The following XRCC4 variants were observed in gnomAD, a reference collection of about 807,000 sequenced individuals.
XRCC4 encodes the protein DNA repair protein XRCC4.
XRCC4 carries 28 observed loss-of-function variants against 39.1 expected under a neutral mutation model. The ratio of observed to expected loss-of-function variants is 0.72; its 90% CI spans 0.53 to 0.98. The LOEUF is 0.98. Among genes scored for constraint, XRCC4 ranks in the 50% least tolerant of loss-of-function variants. XRCC4 has a pLI of 0.00. For synonymous variants in XRCC4, 123 were observed against 126.4 expected, an observed-to-expected ratio of 0.97 and a Z score of 0.18; for missense variants, 350 against 376.4, an observed-to-expected ratio of 0.93 and a Z score of 0.58.
chr5:83,116,784 G>C (rs1314941263), intron 3 of XRCC4, among the ~76,000 whole-genome samples: 2 of 151,918 alleles, frequency 1.3e-5, no homozygotes, highest in Non-Finnish European at 2.9e-5. Context: ...ACCATGCCCA[G>C]CTGATTTTTG....
intron 3 of XRCC4, among the ~76,000 whole-genome samples, chr5:83,164,049 T>C (rs1464881881): frequency 6.6e-6 from 1 of 152,150 alleles, no homozygotes; most frequent in Non-Finnish European, 1.5e-5. Context: ...GGCATTAAGA[T>C]TTTTAAGTAA....
At chr5:83,081,514 AAGT>A in intron 1 of XRCC4, among the ~76,000 whole-genome samples, 1 of 152,326 alleles carries the variant, frequency 6.6e-6, no homozygotes, top group East Asian at 1.9e-4. Context: ...TTTGTTAAAT[AAGT>A]AGAGTTTCAG....
chr5:83,154,865 A>T (rs951984503), intron 3 of XRCC4, among the ~76,000 whole-genome samples: 1 of 152,152 alleles, frequency 6.6e-6, no homozygotes, highest in Admixed American at 6.5e-5. Flanking sequence ...AGTCTCCATT[A>T]TCTGGCCTGC....
intron 3 of XRCC4, among the ~76,000 whole-genome samples, chr5:83,131,387 A>G (rs920500466): frequency 6.6e-6 from 1 of 152,190 alleles, no homozygotes; most frequent in East Asian, 1.9e-4. Flanking sequence ...TAGATTGTCT[A>G]TTAGGTCTGC....
chr5:83,293,800 G>T (rs920186370), intron 7 of XRCC4, among the ~76,000 whole-genome samples: 16 of 151,942 alleles, frequency 1.1e-4, no homozygotes, highest in African/African-American at 3.9e-4. Context: ...ATGAATGTGT[G>T]TTTATGTCAG....
intron 7 of XRCC4, among the ~76,000 whole-genome samples, chr5:83,294,338 T>G (rs1755023594): frequency 6.6e-6 from 1 of 152,016 alleles, no homozygotes; most frequent in African/African-American, 2.4e-5. Context: ...TTCTAGAAAT[T>G]TAAAATGTTG....
intron 6 of XRCC4, among the ~76,000 whole-genome samples, chr5:83,217,354 G>A (rs1470846258): frequency 1.2e-4 from 9 of 77,448 alleles, no homozygotes; most frequent in Admixed American, 9.2e-4. Context: ...GCAAGACTCC[G>A]TCTCAAAAAA....
At chr5:83,205,319 T>C (rs1751375615) in intron 6 of XRCC4, among the ~76,000 whole-genome samples, 1 of 152,090 alleles carries the variant, frequency 6.6e-6, no homozygotes, top group African/African-American at 2.4e-5. Flanking sequence ...TCAAGAATGC[T>C]CTAAATTATA....
At chr5:83,332,351 T>C (rs926860827) in intron 7 of XRCC4, among the ~76,000 whole-genome samples, 4 of 151,960 alleles carry the variant, frequency 2.6e-5, no homozygotes, top group Non-Finnish European at 5.9e-5. Context: ...CTTTCAATCA[T>C]TGGACATATG....
chr5:83,208,268 T>C (rs1391363434), intron 6 of XRCC4, among the ~76,000 whole-genome samples: 3 of 152,042 alleles, frequency 2.0e-5, no homozygotes, highest in African/African-American at 4.8e-5. Context: ...ATCATACTTT[T>C]GTAAATGGGA....
At chr5:83,172,617 C>T (rs1357092352) in intron 3 of XRCC4, among the ~76,000 whole-genome samples, 1 of 152,070 alleles carries the variant, frequency 6.6e-6, no homozygotes, top group Non-Finnish European at 1.5e-5. Context: ...AGACATGTCA[C>T]ATTAAAGTAT....
intron 7 of XRCC4, among the ~76,000 whole-genome samples, chr5:83,316,399 C>A (rs1309336346): frequency 6.6e-6 from 1 of 151,684 alleles, no homozygotes; most frequent in Non-Finnish European, 1.5e-5. Context: ...TTAAAAGACA[C>A]AGACTGGCAA....
intron 7 of XRCC4, among the ~76,000 whole-genome samples, chr5:83,344,808 A>G (rs1286925311): frequency 1.3e-5 from 2 of 152,290 alleles, no homozygotes; most frequent in Admixed American, 6.5e-5. Context: ...ATATACCTTC[A>G]TATACCTTGA....
the XRCC4 span, among the ~76,000 whole-genome samples, chr5:83,373,671 T>C: frequency 6.6e-6 from 1 of 152,212 alleles, no homozygotes; most frequent in Non-Finnish European, 1.5e-5. Flanking sequence ...TCAGTGTTGG[T>C]GTGTATTTAA....
intron 3 of XRCC4, among the ~76,000 whole-genome samples, chr5:83,140,468 A>G (rs947108278): frequency 3.9e-5 from 6 of 152,152 alleles, no homozygotes; most frequent in Non-Finnish European, 8.8e-5. Flanking sequence ...CTGGCAGCCC[A>G]TTGAGGGTAG....
chr5:83,373,914 A>G, the XRCC4 span, among the ~76,000 whole-genome samples: 1 of 152,218 alleles, frequency 6.6e-6, no homozygotes, highest in Non-Finnish European at 1.5e-5. Flanking sequence ...ATAATAGAAA[A>G]AGTGGTTCCA....
intron 3 of XRCC4, among the ~76,000 whole-genome samples, chr5:83,177,702 G>A (rs1365726855): frequency 6.6e-6 from 1 of 152,154 alleles, no homozygotes; most frequent in Non-Finnish European, 1.5e-5. Flanking sequence ...AAGAGAACGT[G>A]AAGATTCAGG....
At chr5:83,096,456 G>T (rs2112338281) in intron 1 of XRCC4, among the ~76,000 whole-genome samples, 1 of 152,236 alleles carries the variant, frequency 6.6e-6, no homozygotes, top group Non-Finnish European at 1.5e-5. Flanking sequence ...GGTTGCAAAA[G>T]CCAAAGGGGG....
intron 6 of XRCC4, among the ~76,000 whole-genome samples, chr5:83,227,615 T>A (rs1333982423): frequency 6.6e-6 from 1 of 152,114 alleles, no homozygotes; most frequent in East Asian, 1.9e-4. Context: ...CGGTTGGTAT[T>A]ATTTCAGCTG....
Sources: gnomAD v4.1 joint callset for allele counts (sites outside exome capture counted in the v4.1 genomes callset) on GRCh38, gnomAD v4.1.1 for gene constraint, MANE v1.5 for transcripts, NCBI Gene and HGNC (gene_info 2026-07-23, HGNC 2026-07-21) for gene names.